The following LRRK2 variants were observed in gnomAD, a reference collection of about 807,000 sequenced individuals.
LRRK2 encodes the protein leucine-rich repeat serine/threonine-protein kinase 2.
In LRRK2, 203 loss-of-function variants were observed where a neutral mutation model predicts 302.6. The observed-to-expected ratio is 0.67, with a 90% CI of 0.60 to 0.75. LRRK2 has a LOEUF of 0.75. Among genes scored for constraint, LRRK2 ranks in the 30% least tolerant of loss-of-function variants. The pLI is 0.00. For missense variants in LRRK2, 2,830 were observed against 2,951.0 expected, an observed-to-expected ratio of 0.96 and a Z score of 0.95; for synonymous variants, 1,066 against 1,031.9, an observed-to-expected ratio of 1.03 and a Z score of -0.63.
At chr12:40,326,712 C>A (rs1945564302) in intron 38 of LRRK2, among the ~76,000 whole-genome samples, 2 of 152,096 alleles carry the variant, frequency 1.3e-5, no homozygotes, top group Admixed American at 1.3e-4. Context: ...CTTCTGTTTA[C>A]CCGATTCTAT....
At chr12:40,322,001 G>A (rs1247907596) in intron 35 of LRRK2, 34 bp from the exon 36 acceptor site, 1 of 1,610,392 alleles carries the variant, frequency 6.2e-7, no homozygotes. Context: ...TTTAACTTAG[G>A]AAGCAGTTAA....
chr12:40,252,763 C>T (rs1942330824), intron 10 of LRRK2, 147 bp from the exon 11 acceptor site: 2 of 628,886 alleles, frequency 3.2e-6, no homozygotes, highest in Middle Eastern at 4.3e-4. Flanking sequence ...AAAAAATGAA[C>T]TATAATTCAC....
intron 39 of LRRK2, 74 bp downstream of exon 39, chr12:40,328,534 T>C: frequency 8.5e-7 from 1 of 1,177,596 alleles, no homozygotes; most frequent in Non-Finnish European, 1.2e-6. Context: ...TTGCATACAG[T>C]TGTGAAAATG....
At chr12:40,341,070 C>T (rs1304073159) in intron 41 of LRRK2, among the ~76,000 whole-genome samples, 1 of 152,174 alleles carries the variant, frequency 6.6e-6, no homozygotes, top group East Asian at 1.9e-4. Flanking sequence ...ATCTTACCTC[C>T]CTTTCTTAGT....
intron 4 of LRRK2, among the ~76,000 whole-genome samples, chr12:40,237,311 T>C (rs1941510946): frequency 1.3e-5 from 2 of 152,292 alleles, no homozygotes; most frequent in South Asian, 4.1e-4. Context: ...TTTAGAAATA[T>C]AATGCAGGCA....
chr12:40,350,364 T>C (rs1226044924), intron 43 of LRRK2, among the ~76,000 whole-genome samples: 1 of 152,222 alleles, frequency 6.6e-6, no homozygotes, highest in African/African-American at 2.4e-5. Context: ...CTGGTTTCTG[T>C]CTCTCACTGT....
Position 40,256,997 on chromosome 12 carries a change from TCTA to T in LRRK2, c.1289-248_1289-246del, listed in dbSNP as rs200586155. On this transcript the variant is annotated intron_variant, in intron 11 of 50. Coordinates refer to ENST00000298910, the MANE Select transcript of LRRK2 (RefSeq NM_198578.4). ...AGACACGGTGATTACATTAAAACCA[TCTA>T]CTCTATGAATAAAAATGTTAAAACC... Among the ~76,000 whole-genome samples the T allele has an allele frequency of 0.011, 1,735 of 152,258 alleles. 9 individuals are homozygous for T. Among genetic ancestry groups the T allele is most frequent in the Non-Finnish European group, 0.018 (1,210 of 68,016 alleles).
chr12:40,328,708 A>G (rs1258955931), intron 39 of LRRK2, among the ~76,000 whole-genome samples: 1 of 152,180 alleles, frequency 6.6e-6, no homozygotes, highest in Non-Finnish European at 1.5e-5. Flanking sequence ...AACTTTTTGT[A>G]AGACTCACTT....
chr12:40,242,656 AT>A (rs1941782740), intron 6 of LRRK2, among the ~76,000 whole-genome samples: 1 of 150,910 alleles, frequency 6.6e-6, no homozygotes, highest in Admixed American at 6.6e-5. Context: ...CATATTCTTG[AT>A]TTTCTTTCTT....
chr12:40,294,006 G>T (rs908362146), intron 21 of LRRK2, among the ~76,000 whole-genome samples: 4 of 151,304 alleles, frequency 2.6e-5, no homozygotes, highest in Non-Finnish European at 5.9e-5. Flanking sequence ...TAATGGTGTG[G>T]GTTGGTCCCA....
At chr12:40,329,613 C>T (rs905526656) in intron 39 of LRRK2, among the ~76,000 whole-genome samples, 1 of 152,094 alleles carries the variant, frequency 6.6e-6, no homozygotes, top group Non-Finnish European at 1.5e-5. Flanking sequence ...TCACTAACTT[C>T]TTTTACTAAT....
chr12:40,356,546 T>C (rs1435499070), intron 46 of LRRK2, among the ~76,000 whole-genome samples: 1 of 152,234 alleles, frequency 6.6e-6, no homozygotes, highest in East Asian at 1.9e-4. Context: ...ATTAACTTTT[T>C]CTTAAGCATT....
At chr12:40,333,969 A>G (rs1241534005) in intron 39 of LRRK2, among the ~76,000 whole-genome samples, 1 of 152,132 alleles carries the variant, frequency 6.6e-6, no homozygotes, top group Non-Finnish European at 1.5e-5. Flanking sequence ...GGGCATGATC[A>G]GATCAGGTGC....
In LRRK2 at chr12:40,346,765, C is replaced by G; in HGVS notation, c.6122C>G (p.Pro2041Arg). ...TSEGTPGFRA[P>R]EVARGNVIYN... is the part of the protein sequence containing the mutation. ...TGCTTACTTTCAGGGTTTCGTGCAC[C>G]TGAAGTTGCCAGAGGAAATGTCATT... The change falls in exon 42 of 51, where the codon CCT becomes CGT. Residue 2041 changes from proline (P) to arginine (R), a missense_variant. This residue lies in a region of LRRK2 where 253 missense variants were observed against 346.7 expected (regional missense o/e 0.73). Coordinates refer to ENST00000298910, the MANE Select transcript of LRRK2 (RefSeq NM_198578.4). 1 of 1,613,858 alleles carries G rather than the reference C, an allele frequency of 6.2e-7. No individual in the cohort carries two copies. The highest frequency in any genetic ancestry group is 8.5e-7 in the Non-Finnish European group (1 of 1,179,876).
chr12:40,311,256 T>A (rs1312568758), intron 31 of LRRK2, among the ~76,000 whole-genome samples: 1 of 152,150 alleles, frequency 6.6e-6, no homozygotes, highest in Non-Finnish European at 1.5e-5. Context: ...GGGCTTTTTA[T>A]TTTAGGAATT....
intron 11 of LRRK2, among the ~76,000 whole-genome samples, chr12:40,253,493 C>T (rs539345748): frequency 2.1e-4 from 32 of 152,272 alleles, no homozygotes; most frequent in Non-Finnish European, 5.9e-5. Context: ...TCAGGTGATG[C>T]TCCCACCTCA....
chr12:40,235,805 T>G, intron 4 of LRRK2, 91 bp downstream of exon 4: 1 of 777,554 alleles, frequency 1.3e-6, no homozygotes, highest in Non-Finnish European at 2.1e-6. Context: ...TTTTTTTTTT[T>G]TTTTTTTGAA....
rs139789871 is a variant in LRRK2, at chr12:40,257,053, C to CA, written c.1289-187dup. On this transcript the variant is annotated intron_variant, in intron 11 of 50. Coordinates refer to ENST00000298910, the MANE Select transcript of LRRK2 (RefSeq NM_198578.4). ...AATCCCAACAAAGGGTTAATAAAGG[C>CA]AAAAAAAATTGGAAATGACATGTGT... Among the ~76,000 whole-genome samples the CA allele has an allele frequency of 8.6e-5, 13 of 150,926 alleles. No homozygotes were observed. The East Asian group carries it at 1.2e-3, about 14-fold the overall frequency.
At chr12:40,263,962 C>G (rs1176586818) in intron 14 of LRRK2, 61 bp downstream of exon 14, 17 of 1,264,596 alleles carry the variant, frequency 1.3e-5, no homozygotes, top group African/African-American at 4.5e-5. Flanking sequence ...ATTTGGAGAA[C>G]TAGGGGCGCT....
Sources: allele counts gnomAD v4.1 joint callset (sites outside exome capture counted in the v4.1 genomes callset), GRCh38; gene constraint gnomAD v4.1.1; regional missense constraint gnomAD v4.1.1; transcripts MANE v1.5; gene names NCBI Gene and HGNC (gene_info 2026-07-23, HGNC 2026-07-21).